The following NF1 variants were observed in gnomAD, a reference collection of about 807,000 sequenced individuals.
NF1 encodes neurofibromin 1, also known as neurofibromin.
Under a neutral mutation model 325.7 loss-of-function variants are expected in NF1, and 122 were observed. That is an observed-to-expected ratio of 0.37 (90% CI 0.32 to 0.44). The LOEUF (loss-of-function observed/expected upper bound fraction) is 0.44, where lower values mean the gene tolerates loss of function less well. Among genes scored for constraint, NF1 ranks in the 20% least tolerant of loss-of-function variants. The probability of loss-of-function intolerance (pLI) is 1.00; values close to 1 mark genes in which losing one functional copy is unlikely to be tolerated. For missense variants in NF1, 2,140 were observed against 3,415.4 expected (o/e 0.63, Z 9.31); for synonymous variants, 1,091 against 1,186.0 (o/e 0.92, Z 1.65).
intron 13 of NF1, among the ~76,000 whole-genome samples, chr17:31,217,406 G>C (rs1021567841): frequency 1.8e-4 from 27 of 151,772 alleles, no homozygotes; most frequent in Admixed American, 9.2e-4. Flanking sequence ...CCGCCTCCTG[G>C]GTTGAAGTGA....
intron 36 of NF1, among the ~76,000 whole-genome samples, chr17:31,287,359 A>G (rs2068250439): frequency 6.6e-6 from 1 of 152,240 alleles, no homozygotes; most frequent in Non-Finnish European, 1.5e-5. Flanking sequence ...TTATCAGAGG[A>G]CACATTTAAT....
At chr17:31,185,974 G>T (rs1379544167) in intron 8 of NF1, among the ~76,000 whole-genome samples, 1 of 152,128 alleles carries the variant, frequency 6.6e-6, no homozygotes, top group African/African-American at 2.4e-5. Context: ...CTCTTGACCT[G>T]TTACTGGGCT....
intron 54 of NF1, 193 bp downstream of exon 54, chr17:31,357,562 A>G: frequency 1.7e-6 from 1 of 603,764 alleles, no homozygotes. Context: ...TTTATAAGGA[A>G]AGACTTTTAA....
chr17:31,268,196 T>G (rs142719446), intron 36 of NF1, among the ~76,000 whole-genome samples: 149 of 152,252 alleles, frequency 9.8e-4, no homozygotes, highest in Non-Finnish European at 1.8e-3. Context: ...CATCTGAAAT[T>G]CCAGAAAGAA....
intron 36 of NF1, among the ~76,000 whole-genome samples, chr17:31,302,307 T>TG (rs2068591995): frequency 6.6e-6 from 1 of 152,160 alleles, no homozygotes. Flanking sequence ...GGTATTTCCC[T>TG]ATTTTTCCCT....
intron 36 of NF1, among the ~76,000 whole-genome samples, chr17:31,275,532 C>CT (rs1290101678): frequency 6.6e-6 from 1 of 152,114 alleles, no homozygotes; most frequent in East Asian, 1.9e-4. Context: ...TATAATTAAA[C>CT]TTTATCACAG....
At chr17:31,230,426 A>G (rs1394113594) in intron 23 of NF1, 44 bp downstream of exon 23, 1 of 1,609,674 alleles carries the variant, frequency 6.2e-7, no homozygotes, top group Non-Finnish European at 8.5e-7. Flanking sequence ...AAATCTTAAT[A>G]TGTCCAATGA....
intron 36 of NF1, chr17:31,272,766 C>G (rs1001165013): frequency 1.3e-5 from 2 of 152,230 alleles, no homozygotes; most frequent in Non-Finnish European, 2.9e-5. Flanking sequence ...TCATCCTCCT[C>G]TGTTTCACAA....
intron 4 of NF1, among the ~76,000 whole-genome samples, chr17:31,168,408 G>A (rs1294750676): frequency 6.6e-6 from 1 of 151,914 alleles, no homozygotes; most frequent in African/African-American, 2.4e-5. Context: ...CAAATTTGTG[G>A]GTTTTTTCAT....
rs1597884262 is a variant in NF1, at chr17:31,375,800, A to G, written c.*1645A>G. 1.3e-5 allele frequency: 3 copies of G among 232,512 alleles called. No individual in the cohort carries two copies. The East Asian group carries it at 1.8e-4, about 14-fold the overall frequency. 14.4% of individuals were successfully genotyped at this position (232,512 alleles called of 1,614,324 possible). On this transcript the variant is annotated 3_prime_UTR_variant, in exon 58 of 58. Coordinates refer to ENST00000358273, the MANE Select transcript of NF1 (RefSeq NM_001042492.3). Reference sequence around the variant, plus strand: ...CACACAGTAACAATGTAATATGTTAATGTAAATAAAATTGGTTTTGATACT... The same window carrying G: ...CACACAGTAACAATGTAATATGTTAGTGTAAATAAAATTGGTTTTGATACT...
rs531461971 is a variant in NF1 at position 31,111,544 on chromosome 17, T to C, written c.60+16175T>C. Among the ~76,000 whole-genome samples, 7 of 152,194 alleles carry C rather than the reference T, an allele frequency of 4.6e-5. No homozygotes were observed. In the South Asian group the frequency reaches 1.5e-3, roughly 32 times the overall value. On this transcript the variant is annotated intron_variant, in intron 1 of 57. Transcript: ENST00000358273. ...AGGCACTGTGTTCAAAGGAACGATA[T>C]AATACAACTGATGGCTGACTTTTTA...
At chr17:31,132,503 G>C (rs1356926908) in intron 1 of NF1, among the ~76,000 whole-genome samples, 1 of 152,076 alleles carries the variant, frequency 6.6e-6, no homozygotes, top group Non-Finnish European at 1.5e-5. Context: ...TCATGCCGCT[G>C]CATTCCAGCC....
chr17:31,297,184 C>T (rs1206708779), intron 36 of NF1: 1 of 152,224 alleles, frequency 6.6e-6, no homozygotes, highest in African/African-American at 2.4e-5. Context: ...ATCAGCATCT[C>T]ATTTTCTCTG....
At chr17:31,214,676 C>A (rs2143962086) in intron 13 of NF1, 91 bp downstream of exon 13, 2 of 1,240,960 alleles carry the variant, frequency 1.6e-6, no homozygotes, top group Non-Finnish European at 2.3e-6. Context: ...TAATTTTTAG[C>A]TCAAGAGCAC....
chr17:31,336,536 T>C lies in NF1; in HGVS notation c.6147+63T>C, dbSNP rs1293609375. ...TCTGTTTTATCATCAGGAGGTTTTT[T>C]GTTTTGTAATTACTTTTAAATTAAA... is the stretch of plus-strand genomic sequence containing the variant. On this transcript the variant is annotated intron_variant, in intron 41 of 57. Coordinates refer to ENST00000358273, the MANE Select transcript of NF1 (RefSeq NM_001042492.3). The surrounding 1 kb of genome is among the most constrained non-coding windows in gnomAD (Gnocchi z 5.5). The C allele has an allele frequency of 2.7e-5, 44 of 1,608,654 alleles. No homozygotes were observed. The highest frequency in any genetic ancestry group is 3.7e-5 in the Non-Finnish European group (43 of 1,176,684).
intron 11 of NF1, among the ~76,000 whole-genome samples, chr17:31,204,248 A>G (rs1414046238): frequency 1.3e-5 from 2 of 152,124 alleles, no homozygotes; most frequent in Admixed American, 6.6e-5. Context: ...AATTTATCGT[A>G]ATTTACATAT....
intron 1 of NF1, among the ~76,000 whole-genome samples, chr17:31,125,888 T>C (rs952191060): frequency 6.6e-6 from 1 of 152,184 alleles, no homozygotes; most frequent in African/African-American, 2.4e-5. Context: ...AACTGCAATA[T>C]AGAAGTATTC....
intron 1 of NF1, chr17:31,137,730 A>T (rs1360056521): frequency 6.6e-6 from 1 of 152,028 alleles, no homozygotes; most frequent in African/African-American, 2.4e-5. Context: ...AAAAAAAAAA[A>T]GTACAAAGGA....
Position 31,375,264 on chromosome 17 carries a change from C to A in NF1, c.*1109C>A, listed in dbSNP as rs1303001277. The A allele has an allele frequency of 4.4e-6, 1 of 226,774 alleles. No individual in the cohort carries two copies. Among genetic ancestry groups the A allele is most frequent in the East Asian group, 6.4e-5 (1 of 15,656 alleles). 14.0% of individuals were successfully genotyped at this position (226,774 alleles called of 1,614,324 possible). ...CTTTGATAAGATGTATTTTGAATGTCTTTTAATCTTCCTCCTCCTCTCCAA... is the reference window on the plus strand; with the variant it reads ...CTTTGATAAGATGTATTTTGAATGTATTTTAATCTTCCTCCTCCTCTCCAA... On this transcript the variant is annotated 3_prime_UTR_variant, in exon 58 of 58. Transcript: ENST00000358273.
Sources: gnomAD v4.1 joint callset for allele counts (sites outside exome capture counted in the v4.1 genomes callset) on GRCh38, gnomAD v4.1.1 for gene constraint, Gnocchi (gnomAD v3.1) non-coding constraint, MANE v1.5 for transcripts, NCBI Gene and HGNC (gene_info 2026-07-23, HGNC 2026-07-21) for gene names.